The following TWIST2 variants were observed in gnomAD, a reference collection of about 807,000 sequenced individuals.
TWIST2 encodes the protein twist family bHLH transcription factor 2, also known as twist-related protein 2.
Under a neutral mutation model 11.6 loss-of-function variants are expected in TWIST2, and 1 was observed. The observed-to-expected ratio is 0.09, with a 90% CI of 0.03 to 0.41. TWIST2 has a LOEUF of 0.41. TWIST2 is among the 10% of genes least tolerant of loss of function. The probability of loss-of-function intolerance (pLI) is 0.98; values close to 1 mark genes in which losing one functional copy is unlikely to be tolerated. For synonymous variants in TWIST2, 87 were observed against 96.6 expected, an observed-to-expected ratio of 0.90 and a Z score of 0.58; for missense variants, 168 against 226.4, an observed-to-expected ratio of 0.74 and a Z score of 1.66.
At chr2:238,871,418 ACAACCCCACACGC>A in intron 1 of TWIST2, among the ~76,000 whole-genome samples, 1 of 50,438 alleles carries the variant, frequency 2.0e-5, no homozygotes, top group East Asian at 1.4e-3. Flanking sequence ...CACACACACC[ACAACCCCACACGC>A]CACACACACA....
intron 1 of TWIST2, among the ~76,000 whole-genome samples, chr2:238,851,320 A>G (rs1484928632): frequency 6.6e-6 from 1 of 152,206 alleles, no homozygotes; most frequent in East Asian, 1.9e-4. Flanking sequence ...ACAATTAGAC[A>G]ATAAATCAGG....
At chr2:238,906,938 C>T (rs1399884928) in intron 1 of TWIST2, among the ~76,000 whole-genome samples, 2 of 152,246 alleles carry the variant, frequency 1.3e-5, no homozygotes, top group African/African-American at 4.8e-5. Context: ...CACTCACCTC[C>T]CGCGAGCTCT....
chr2:238,870,185 CATCACATACCACACACAAACCA>C (rs1559273566), intron 1 of TWIST2, among the ~76,000 whole-genome samples: 477 of 4,442 alleles, frequency 0.11, 45 homozygotes, highest in Non-Finnish European at 0.14. Flanking sequence ...CCCACACACA[CATCACATACCACACACAAACCA>C]CACACCCCAC....
chr2:238,896,160 C>T (rs1218648296), intron 1 of TWIST2, among the ~76,000 whole-genome samples: 1 of 152,108 alleles, frequency 6.6e-6, no homozygotes, highest in Non-Finnish European at 1.5e-5. Context: ...GAGAGAGGGG[C>T]GGGGATCCGG....
chr2:238,869,109 A>G (rs1365392328), intron 1 of TWIST2, among the ~76,000 whole-genome samples: 1 of 152,148 alleles, frequency 6.6e-6, no homozygotes, highest in Non-Finnish European at 1.5e-5. Context: ...CACTGAGAGA[A>G]AGGCATCGAC....
chr2:238,893,489 C>T (rs1693172953), intron 1 of TWIST2, among the ~76,000 whole-genome samples: 1 of 152,192 alleles, frequency 6.6e-6, no homozygotes, highest in African/African-American at 2.4e-5. Context: ...TCCCCAGAAG[C>T]ACAGCCTGTG....
intron 1 of TWIST2, among the ~76,000 whole-genome samples, chr2:238,902,645 G>T (rs1409393922): frequency 7.0e-6 from 1 of 143,534 alleles, no homozygotes; most frequent in Non-Finnish European, 1.5e-5. Context: ...TGAGGTGTGT[G>T]ATGGTGTGTG....
intron 1 of TWIST2, among the ~76,000 whole-genome samples, chr2:238,872,827 G>T (rs960526096): frequency 6.6e-6 from 1 of 152,200 alleles, no homozygotes; most frequent in Non-Finnish European, 1.5e-5. Flanking sequence ...AGAGGCACAC[G>T]CTCCGCAGAT....
At chr2:238,895,872 C>G (rs895063070) in intron 1 of TWIST2, among the ~76,000 whole-genome samples, 3 of 152,298 alleles carry the variant, frequency 2.0e-5, no homozygotes, top group East Asian at 3.9e-4. Flanking sequence ...CAAGCTCGCC[C>G]TCTCCCCTGG....
At chr2:238,850,476 A>C (rs1472449559) in intron 1 of TWIST2, among the ~76,000 whole-genome samples, 1 of 152,224 alleles carries the variant, frequency 6.6e-6, no homozygotes, top group African/African-American at 2.4e-5. Flanking sequence ...ACACACATTG[A>C]GCCGTGTTTA....
At chr2:238,885,177 C>T (rs1440522327) in intron 1 of TWIST2, among the ~76,000 whole-genome samples, 1 of 152,212 alleles carries the variant, frequency 6.6e-6, no homozygotes, top group African/African-American at 2.4e-5. Flanking sequence ...TCAGCGTCCC[C>T]ATGGCCGGGT....
chr2:238,880,230 T>TTTG (rs1311207366), intron 1 of TWIST2, among the ~76,000 whole-genome samples: 278 of 151,938 alleles, frequency 1.8e-3, no homozygotes, highest in East Asian at 5.2e-3. Context: ...AGTGTTAGTA[T>TTTG]TTATTAGTAT....
chr2:238,871,275 ACAC>A (rs1438417926), intron 1 of TWIST2, among the ~76,000 whole-genome samples: 10 of 23,432 alleles, frequency 4.3e-4, no homozygotes, highest in African/African-American at 2.1e-3. Flanking sequence ...CACACACCAC[ACAC>A]CACATCCCAC....
chr2:238,895,737 G>A (rs911462513), intron 1 of TWIST2, among the ~76,000 whole-genome samples: 1 of 152,302 alleles, frequency 6.6e-6, no homozygotes, highest in Non-Finnish European at 1.5e-5. Flanking sequence ...CCTCAGCCCC[G>A]GTAGAGCCCG....
chr2:238,908,369 A>C (rs1372841158), intron 1 of TWIST2, among the ~76,000 whole-genome samples: 2 of 150,022 alleles, frequency 1.3e-5, no homozygotes, highest in African/African-American at 4.9e-5. Flanking sequence ...CATACACACA[A>C]ACACAAACCA....
intron 1 of TWIST2, among the ~76,000 whole-genome samples, chr2:238,890,846 G>A (rs1406161202): frequency 1.3e-5 from 2 of 152,014 alleles, no homozygotes; most frequent in African/African-American, 4.8e-5. Flanking sequence ...GTTCTCCCAG[G>A]GTCTGCCCTT....
Position 238,864,599 on chromosome 2 carries a change from G to A in TWIST2, c.*35+15866G>A, listed in dbSNP as rs959613211. ...ACTAAGGGCACCAGGCAGCCCACCC[G>A]GCCCGGCCAAGACCAGCAGGACAGG... is the stretch of plus-strand genomic sequence containing the variant. On this transcript the variant is annotated intron_variant, in intron 1 of 1. Transcript: ENST00000612363. This position sits in a 1 kb window ranked among gnomAD's most constrained non-coding sequence, Gnocchi z 4.7. 1.3e-5 allele frequency among the ~76,000 whole-genome samples: 2 copies of A among 152,130 alleles called. No homozygotes were observed. Among genetic ancestry groups the A allele is most frequent in the Non-Finnish European group, 2.9e-5 (2 of 68,004 alleles).
At chr2:238,849,578 C>A (rs1245627279) in intron 1 of TWIST2, among the ~76,000 whole-genome samples, 1 of 152,186 alleles carries the variant, frequency 6.6e-6, no homozygotes, top group Non-Finnish European at 1.5e-5. Flanking sequence ...CCCATCCAGC[C>A]CCGCAGGGAT....
At chr2:238,875,906 T>C (rs936958915) in intron 1 of TWIST2, among the ~76,000 whole-genome samples, 10 of 151,996 alleles carry the variant, frequency 6.6e-5, no homozygotes, top group African/African-American at 2.4e-4. Flanking sequence ...AGAGAAAAAA[T>C]AAATCGGGTG....
Sources: gnomAD v4.1 joint callset for allele counts (sites outside exome capture counted in the v4.1 genomes callset) on GRCh38, gnomAD v4.1.1 for gene constraint, Gnocchi (gnomAD v3.1) non-coding constraint, MANE v1.5 for transcripts, NCBI Gene and HGNC (gene_info 2026-07-23, HGNC 2026-07-21) for gene names.